Variants in PCDHGA4 observed in about 807,000 individuals in gnomAD.
PCDHGA4 encodes the protein protocadherin gamma-A4.
A neutral mutation model predicts 54.6 loss-of-function variants in PCDHGA4; 38 were observed. The ratio of observed to expected loss-of-function variants is 0.70; its 90% confidence interval spans 0.54 to 0.91. The LOEUF is 0.91. Ranked by LOEUF, PCDHGA4 falls within the 40% of genes least tolerant of loss-of-function variation. The pLI is 0.00. For synonymous variants in PCDHGA4, 511 were observed against 512.9 expected (o/e 1.00, Z 0.05); for missense variants, 1,298 against 1,220.9 (o/e 1.06, Z -0.94).
intron 1 of PCDHGA4, among the ~76,000 whole-genome samples, chr5:141,397,240 T>C (rs1291416263): frequency 6.6e-6 from 1 of 152,176 alleles, no homozygotes; most frequent in Non-Finnish European, 1.5e-5. Flanking sequence ...AAGAGCAACG[T>C]AGTAGGGTAT....
At position 141,477,505 on chromosome 5, in the gene PCDHGA4, C is replaced by T. The variant is rs2099412175; in HGVS notation, c.2515-17302C>T. The T allele has an allele frequency of 5.0e-6, 8 of 1,614,126 alleles. No individual in the cohort carries two copies. Among genetic ancestry groups the T allele is most frequent in the Admixed American group, 1.7e-5 (1 of 60,024 alleles). On this transcript the variant is annotated intron_variant, in intron 1 of 3. Transcript: ENST00000571252. This position sits in a 1 kb window ranked among gnomAD's most constrained non-coding sequence, Gnocchi z 4.9. ...CACAATCTTCTCAATCTTCCTACGACGTTTACATTGAAGAAAACAACCTCC... is the reference window on the plus strand; with the variant it reads ...CACAATCTTCTCAATCTTCCTACGATGTTTACATTGAAGAAAACAACCTCC...
chr5:141,495,449 G>T (rs1249221693), intron 2 of PCDHGA4, among the ~76,000 whole-genome samples: 1 of 152,194 alleles, frequency 6.6e-6, no homozygotes, highest in East Asian at 1.9e-4. Flanking sequence ...TACTTGTCCT[G>T]CTCTCTGTCT....
intron 1 of PCDHGA4, chr5:141,364,809 C>T (rs779195716): frequency 3.1e-6 from 5 of 1,613,834 alleles, no homozygotes; most frequent in Non-Finnish European, 4.2e-6. Flanking sequence ...GCGCGGGATG[C>T]GGATGTGGGT....
At chr5:141,421,044 C>T (rs556562994) in intron 1 of PCDHGA4, 3 of 548,494 alleles carry the variant, frequency 5.5e-6, no homozygotes, top group African/African-American at 1.9e-5. Context: ...CTCCCTCCCC[C>T]GCCTCTACCA....
intron 1 of PCDHGA4, chr5:141,418,597 G>A (rs2096274061): frequency 3.7e-6 from 6 of 1,614,052 alleles, no homozygotes; most frequent in Non-Finnish European, 5.1e-6. Flanking sequence ...GCCAGGACGT[G>A]TACAGGGTTA....
At chr5:141,410,858 T>A in intron 1 of PCDHGA4, 1 of 436,188 alleles carries the variant, frequency 2.3e-6, no homozygotes, top group Non-Finnish European at 3.8e-6. Context: ...TCTTTTTTTT[T>A]TTTTTTTTTT....
chr5:141,421,923 G>T (rs2096611568), intron 1 of PCDHGA4: 1 of 1,613,590 alleles, frequency 6.2e-7, no homozygotes. Flanking sequence ...TTCGTGTGGT[G>T]GTCCTCGATG....
chr5:141,356,330 G>C lies in PCDHGA4; in HGVS notation c.1223G>C (p.Gly408Ala). ...TTCAACGTGCATGACAGTGACTCAG[G>C]AGGAAATGGCCTAGTCACATGTTCT... ...ALFNVHDSDS[G>A]GNGLVTCSIP... is the part of the protein sequence containing the mutation. The change falls in exon 1 of 4, where the codon GGA becomes GCA. Residue 408 changes from glycine (G) to alanine (A), a missense_variant. Physicochemically the swap from Gly to Ala is moderately conservative, Grantham distance 60. Coordinates refer to ENST00000571252, the MANE Select transcript of PCDHGA4 (RefSeq NM_018917.4). The C allele has an allele frequency of 2.6e-6, 4 of 1,554,374 alleles. No individual in the cohort carries two copies. The highest frequency in any genetic ancestry group is 3.5e-6 in the Non-Finnish European group (4 of 1,148,376).
chr5:141,486,506 A>C lies in PCDHGA4; in HGVS notation c.2515-8301A>C. The C allele has an allele frequency of 6.2e-7, 1 of 1,614,134 alleles. No individual in the cohort carries two copies. The highest frequency in any genetic ancestry group is 8.5e-7 in the Non-Finnish European group (1 of 1,180,006). Reference sequence around the variant, plus strand: ...TACCCACAGAACTATTTTCCTCAATATTTCAGATGTGAATGATAATCCACC... The same window carrying C: ...TACCCACAGAACTATTTTCCTCAATCTTTCAGATGTGAATGATAATCCACC... On this transcript the variant is annotated intron_variant, in intron 1 of 3. Transcript: ENST00000571252. The surrounding 1 kb of genome is among the most constrained non-coding windows in gnomAD (Gnocchi z 5.0).
intron 1 of PCDHGA4, among the ~76,000 whole-genome samples, chr5:141,450,888 G>A (rs1038570371): frequency 6.9e-5 from 10 of 145,278 alleles, no homozygotes; most frequent in Admixed American, 4.1e-4. Context: ...GCAGTGGTGC[G>A]ATATCGGCTC....
intron 1 of PCDHGA4, chr5:141,362,464 G>A: frequency 3.1e-6 from 5 of 1,614,038 alleles, no homozygotes; most frequent in Non-Finnish European, 3.4e-6. Context: ...ATTGGTTCCC[G>A]CGCAAGATCT....
chr5:141,458,633 A>C (rs548586597), intron 1 of PCDHGA4, among the ~76,000 whole-genome samples: 12 of 151,884 alleles, frequency 7.9e-5, no homozygotes, highest in Non-Finnish European at 1.5e-4. Flanking sequence ...GCAGTGGCAC[A>C]ATCCCAGCTC....
intron 1 of PCDHGA4, chr5:141,393,751 C>A (rs1159377259): frequency 6.2e-7 from 1 of 1,613,846 alleles, no homozygotes; most frequent in Non-Finnish European, 8.5e-7. Flanking sequence ...GAAGAATGTT[C>A]ATTTTATGAA....
At chr5:141,500,562 T>A (rs2099801387) in intron 2 of PCDHGA4, among the ~76,000 whole-genome samples, 1 of 152,202 alleles carries the variant, frequency 6.6e-6, no homozygotes, top group Admixed American at 6.5e-5. Flanking sequence ...CACAAACTTG[T>A]CACACTTTCA....
Position 141,491,190 on chromosome 5 carries a change from C to A in PCDHGA4, c.2515-3617C>A, listed in dbSNP as rs759736855. On this transcript the variant is annotated intron_variant, in intron 1 of 3. Transcript: ENST00000571252. The surrounding 1 kb of genome is among the most constrained non-coding windows in gnomAD (Gnocchi z 6.9). ...AGCAGGTGGTGGTCCTGGTGAGGGA[C>A]AATGGTGACCCTTCACTCTCCTCCA... 1 of 1,614,192 alleles carries A rather than the reference C, an allele frequency of 6.2e-7. No homozygotes were observed. The highest frequency in any genetic ancestry group is 1.1e-5 in the South Asian group (1 of 91,082).
In PCDHGA4 at chr5:141,489,117, T is replaced by A; in HGVS notation, c.2515-5690T>A. On this transcript the variant is annotated intron_variant, in intron 1 of 3. Coordinates refer to ENST00000571252, the MANE Select transcript of PCDHGA4 (RefSeq NM_018917.4). The surrounding 1 kb of genome is among the most constrained non-coding windows in gnomAD (Gnocchi z 4.5). ...AAGAACTGCTGCAAGCAGGCAAACCTCCGAGCAGTTTTTAAGAGGCTGGAA... is the reference window on the plus strand; with the variant it reads ...AAGAACTGCTGCAAGCAGGCAAACCACCGAGCAGTTTTTAAGAGGCTGGAA... The A allele has an allele frequency of 1.4e-5, 5 of 370,102 alleles. No homozygotes were observed. The highest frequency in any genetic ancestry group is 2.3e-5 in the Non-Finnish European group (5 of 214,436). 22.9% of individuals were successfully genotyped at this position (370,102 alleles called of 1,614,324 possible).
At chr5:141,404,783 G>A (rs758824309) in intron 1 of PCDHGA4, 39 of 1,613,798 alleles carry the variant, frequency 2.4e-5, no homozygotes, top group South Asian at 2.2e-4. Context: ...CCTATTCAAG[G>A]CCAGTGAGCC....
At chr5:141,380,946 C>T (rs555019785) in intron 1 of PCDHGA4, among the ~76,000 whole-genome samples, 2 of 152,210 alleles carry the variant, frequency 1.3e-5, no homozygotes, top group African/African-American at 2.4e-5. Flanking sequence ...CTTGCCTCAA[C>T]AAGAAGTTCA....
In PCDHGA4 at chr5:141,427,684, C is replaced by T. The variant is rs765112627; in HGVS notation, c.2515-67123C>T. 3.6e-6 allele frequency: 3 copies of T among 841,720 alleles called. No individual in the cohort carries two copies. In the Admixed American group the frequency reaches 5.8e-5, roughly 16 times the overall value. 52.1% of individuals were successfully genotyped at this position (841,720 alleles called of 1,614,324 possible). A position where few individuals can be genotyped will look rare whatever the true frequency, so the allele number is the denominator to read the frequency against. On this transcript the variant is annotated intron_variant, in intron 1 of 3. Transcript: ENST00000571252. The stretch of plus-strand genomic sequence containing the variant: ...GTGGCCGAAAACAACCTTCCCGGAG[C>T]CTCCATCCCACAAGTCAGCGCCTCT...
Sources: gnomAD v4.1 joint callset for allele counts (sites outside exome capture counted in the v4.1 genomes callset) on GRCh38, gnomAD v4.1.1 for gene constraint, Gnocchi (gnomAD v3.1) non-coding constraint, MANE v1.5 for transcripts, NCBI Gene and HGNC (gene_info 2026-07-23, HGNC 2026-07-21) for gene names.